Variants in TMEM117 observed in about 807,000 individuals in gnomAD.
TMEM117 encodes transmembrane protein 117.
A neutral mutation model predicts 52.4 loss-of-function variants in TMEM117; 27 were observed. The observed-to-expected ratio is 0.51, with a 90% CI of 0.38 to 0.71. The LOEUF is 0.71. Ranked by LOEUF, TMEM117 falls within the 30% of genes least tolerant of loss-of-function variation. The probability of loss-of-function intolerance (pLI) is 0.00; values close to 1 mark genes in which losing one functional copy is unlikely to be tolerated. For synonymous variants in TMEM117, 215 were observed against 206.3 expected, an observed-to-expected ratio of 1.04 and a Z score of -0.36; for missense variants, 556 against 630.5, an observed-to-expected ratio of 0.88 and a Z score of 1.26.
intron 3 of TMEM117, among the ~76,000 whole-genome samples, chr12:44,047,648 T>C (rs1402559910): frequency 6.6e-6 from 1 of 152,226 alleles, no homozygotes; most frequent in Non-Finnish European, 1.5e-5. Flanking sequence ...CTAAATTGAA[T>C]AGTCCATAGA....
At chr12:43,995,219 C>G (rs927254827) in intron 3 of TMEM117, among the ~76,000 whole-genome samples, 1 of 150,734 alleles carries the variant, frequency 6.6e-6, no homozygotes. Flanking sequence ...TGCAGTGAGC[C>G]GAGATTGCAC....
intron 5 of TMEM117, among the ~76,000 whole-genome samples, chr12:44,234,048 G>T (rs1199345858): frequency 6.6e-6 from 1 of 151,286 alleles, no homozygotes; most frequent in Non-Finnish European, 1.5e-5. Context: ...GTTCATATAT[G>T]ATATTGGCCT....
At chr12:43,986,485 T>C (rs909039708) in intron 3 of TMEM117, among the ~76,000 whole-genome samples, 1 of 151,754 alleles carries the variant, frequency 6.6e-6, no homozygotes, top group Non-Finnish European at 1.5e-5. Context: ...GTCTTTATGA[T>C]TTTTTTCCTT....
chr12:43,941,717 C>T (rs893954123), intron 2 of TMEM117, among the ~76,000 whole-genome samples: 7 of 152,210 alleles, frequency 4.6e-5, no homozygotes, highest in African/African-American at 1.4e-4. Context: ...TATTTTGCAG[C>T]ACTTTTATTG....
chr12:43,820,103 T>TTTTTTGTTTTTG, the TMEM117 span, among the ~76,000 whole-genome samples: 358 of 151,586 alleles, frequency 2.4e-3, 1 homozygote, highest in African/African-American at 8.3e-3. Context: ...AGGTGTATTT[T>TTTTTTGTTTTTG]TTTTTGTTTT....
chr12:43,985,589 T>A (rs117625284), intron 3 of TMEM117, among the ~76,000 whole-genome samples: 7,505 of 152,268 alleles, frequency 0.049, 214 homozygotes, highest in Middle Eastern at 0.099. Flanking sequence ...GATTTTATTT[T>A]CAAATGTTTG....
intron 2 of TMEM117, among the ~76,000 whole-genome samples, chr12:43,859,284 C>T (rs146253519): frequency 1.2e-4 from 18 of 152,190 alleles, no homozygotes; most frequent in African/African-American, 3.6e-4. Context: ...GGGGAAGGAA[C>T]GGGCAAAATG....
chr12:43,928,985 A>G (rs1037297971), intron 2 of TMEM117, among the ~76,000 whole-genome samples: 5 of 151,644 alleles, frequency 3.3e-5, no homozygotes, highest in African/African-American at 7.3e-5. Context: ...TTCTTAATCC[A>G]GTCTATCATT....
rs550929074 is a variant in TMEM117 at position 44,221,749 on chromosome 12, A to G, written c.608+10362A>G. ...AGTCTCACTCTGTCAACCAGGCTGG[A>G]GTACAGTGGCATGATCGCGGCTCAC... On this transcript the variant is annotated intron_variant, in intron 5 of 7. Coordinates refer to ENST00000266534, the MANE Select transcript of TMEM117 (RefSeq NM_032256.3). 3.3e-5 allele frequency among the ~76,000 whole-genome samples: 5 copies of G among 151,244 alleles called. No homozygotes were observed. The South Asian group carries it at 1.0e-3, about 32-fold the overall frequency.
chr12:44,009,717 G>C (rs1460142488), intron 3 of TMEM117: 1 of 252,422 alleles, frequency 4.0e-6, no homozygotes, highest in Non-Finnish European at 8.4e-6. Context: ...TTCTCTCCCA[G>C]CTCATGGGCT....
At chr12:44,116,288 G>A (rs944753685) in intron 3 of TMEM117, among the ~76,000 whole-genome samples, 1 of 152,130 alleles carries the variant, frequency 6.6e-6, no homozygotes, top group African/African-American at 2.4e-5. Context: ...TCTTTAAACA[G>A]TGTGGGTTCT....
chr12:43,859,830 A>C (rs1379790945), intron 2 of TMEM117, among the ~76,000 whole-genome samples: 1 of 152,240 alleles, frequency 6.6e-6, no homozygotes, highest in South Asian at 2.1e-4. Flanking sequence ...TATACTGAAC[A>C]TAAGGCATAA....
rs183171673 is a variant in TMEM117 at position 44,040,310 on chromosome 12, C to T, written c.410+95968C>T. On this transcript the variant is annotated intron_variant, in intron 3 of 7. Coordinates refer to ENST00000266534, the MANE Select transcript of TMEM117 (RefSeq NM_032256.3). ...TTATGATCATATTTAACAACTGGCT[C>T]ACAAAATTCTTAAAAATTTAACAGC... 1.9e-4 allele frequency among the ~76,000 whole-genome samples: 29 copies of T among 152,052 alleles called. No homozygotes were observed. The East Asian group carries it at 4.8e-3, about 25-fold the overall frequency.
intron 6 of TMEM117, among the ~76,000 whole-genome samples, chr12:44,348,578 T>C (rs1475783659): frequency 6.6e-6 from 1 of 152,014 alleles, no homozygotes; most frequent in Non-Finnish European, 1.5e-5. Flanking sequence ...ATTTTAACAA[T>C]TTTTAAAACA....
At chr12:43,990,349 C>G (rs1945918148) in intron 3 of TMEM117, among the ~76,000 whole-genome samples, 1 of 152,122 alleles carries the variant, frequency 6.6e-6, no homozygotes, top group Admixed American at 6.6e-5. Context: ...CCAAAAATGA[C>G]TTTAAGGTAA....
chr12:44,374,178 G>A (rs1042826685), intron 6 of TMEM117, among the ~76,000 whole-genome samples: 1 of 152,106 alleles, frequency 6.6e-6, no homozygotes, highest in African/African-American at 2.4e-5. Context: ...TTAGGCCAGA[G>A]TTTACACTCA....
chr12:43,910,689 T>C (rs1366518944), intron 2 of TMEM117, among the ~76,000 whole-genome samples: 1 of 138,822 alleles, frequency 7.2e-6, no homozygotes, highest in Non-Finnish European at 1.6e-5. Flanking sequence ...CAAGCATTCT[T>C]ATACACCAAC....
intron 2 of TMEM117, among the ~76,000 whole-genome samples, chr12:43,883,609 G>T (rs2137456967): frequency 6.6e-6 from 1 of 152,182 alleles, no homozygotes; most frequent in African/African-American, 2.4e-5. Flanking sequence ...TGAATCAGTT[G>T]GATTTCCTTT....
chr12:43,944,847 C>T (rs1274466018), intron 3 of TMEM117, among the ~76,000 whole-genome samples: 1 of 152,028 alleles, frequency 6.6e-6, no homozygotes, highest in Non-Finnish European at 1.5e-5. Context: ...GGCATGGTGG[C>T]TCATGCTTGT....
Sources: allele counts gnomAD v4.1 joint callset (sites outside exome capture counted in the v4.1 genomes callset), GRCh38; gene constraint gnomAD v4.1.1; transcripts MANE v1.5; gene names NCBI Gene and HGNC (gene_info 2026-07-23, HGNC 2026-07-21).